KIAA0825: variants seen among roughly 807,000 people sequenced by gnomAD.
KIAA0825 encodes the protein KIAA0825.
In KIAA0825, 119 loss-of-function variants were observed where a neutral mutation model predicts 147.6. That is an observed-to-expected ratio of 0.81 (90% CI 0.69 to 0.94). The LOEUF (loss-of-function observed/expected upper bound fraction) is 0.94, where lower values mean the gene tolerates loss of function less well. Ranked by LOEUF, KIAA0825 falls within the 40% of genes least tolerant of loss-of-function variation. The pLI, the probability that KIAA0825 is intolerant of heterozygous loss-of-function variation, is 0.00. For synonymous variants in KIAA0825, 470 were observed against 518.1 expected (o/e 0.91, Z 1.26); for missense variants, 1,381 against 1,472.7 (o/e 0.94, Z 1.02).
At chr5:94,549,094 T>G (rs930478368) in intron 2 of KIAA0825, among the ~76,000 whole-genome samples, 2 of 152,168 alleles carry the variant, frequency 1.3e-5, no homozygotes, top group Admixed American at 1.3e-4. Flanking sequence ...CTAATAGATA[T>G]TTATAGAATT....
intron 13 of KIAA0825, among the ~76,000 whole-genome samples, chr5:94,451,416 A>G (rs1477170761): frequency 6.6e-6 from 1 of 152,238 alleles, no homozygotes; most frequent in Non-Finnish European, 1.5e-5. Context: ...GAATTGTTAG[A>G]TAAAAGGGCA....
intron 12 of KIAA0825, among the ~76,000 whole-genome samples, chr5:94,458,109 G>A (rs1462010082): frequency 6.6e-6 from 1 of 152,118 alleles, no homozygotes; most frequent in South Asian, 2.1e-4. Context: ...AACTACCTAT[G>A]AATACCAAAT....
chr5:94,293,857 A>G (rs886940428), intron 20 of KIAA0825, among the ~76,000 whole-genome samples: 24 of 152,192 alleles, frequency 1.6e-4, no homozygotes, highest in South Asian at 2.1e-4. Flanking sequence ...TCCTTTTACC[A>G]TTATGTAATG....
intron 20 of KIAA0825, among the ~76,000 whole-genome samples, chr5:94,350,906 G>A (rs1419121304): frequency 6.9e-6 from 1 of 145,528 alleles, no homozygotes; most frequent in East Asian, 2.0e-4. Flanking sequence ...TTTTTTTGGA[G>A]ATGGAGTCTC....
chr5:94,264,444 G>A (rs567894968), intron 20 of KIAA0825, among the ~76,000 whole-genome samples: 221 of 152,196 alleles, frequency 1.5e-3, no homozygotes, highest in Non-Finnish European at 2.4e-3. Context: ...TTTCTGCATC[G>A]AAGTTAACTT....
chr5:94,448,723 A>T (rs1833335), intron 13 of KIAA0825, among the ~76,000 whole-genome samples: 17,315 of 152,134 alleles, frequency 0.11, 1,122 homozygotes, highest in East Asian at 0.21. Context: ...TAAAGTGAAG[A>T]ATAGAGTTTT....
At chr5:94,236,800 T>G (rs949347071) in intron 20 of KIAA0825, among the ~76,000 whole-genome samples, 3 of 152,228 alleles carry the variant, frequency 2.0e-5, no homozygotes, top group African/African-American at 7.2e-5. Flanking sequence ...AATTATTATG[T>G]CTTGCTGAAG....
chr5:94,465,735 A>G (rs978315405), intron 10 of KIAA0825, among the ~76,000 whole-genome samples: 66 of 152,336 alleles, frequency 4.3e-4, no homozygotes, highest in African/African-American at 1.5e-3. Context: ...GACACTTCAT[A>G]CTTTTAAAGA....
intron 3 of KIAA0825, 140 bp downstream of exon 3, chr5:94,536,856 G>A: frequency 1.8e-6 from 1 of 545,858 alleles, no homozygotes; most frequent in Non-Finnish European, 3.2e-6. Flanking sequence ...AGTGAGAGGG[G>A]GGTCTAATCA....
At chr5:94,410,303 G>C (rs922968416) in intron 15 of KIAA0825, among the ~76,000 whole-genome samples, 1 of 151,864 alleles carries the variant, frequency 6.6e-6, no homozygotes, top group Non-Finnish European at 1.5e-5. Context: ...AAAAAAACAA[G>C]GAAGAAGAAT....
At chr5:94,545,987 T>G (rs940057682) in intron 2 of KIAA0825, among the ~76,000 whole-genome samples, 1 of 152,104 alleles carries the variant, frequency 6.6e-6, no homozygotes, top group Non-Finnish European at 1.5e-5. Context: ...TCCACTATCC[T>G]GAAGGGTGAG....
chr5:94,529,227 CATATATATGTATATATACAT>C (rs1561267725), intron 3 of KIAA0825, among the ~76,000 whole-genome samples: 1 of 128,556 alleles, frequency 7.8e-6, no homozygotes, highest in African/African-American at 3.3e-5. Context: ...ATGTATGTAT[CATATATATGTATATATACAT>C]ATATATGTAT....
intron 20 of KIAA0825, among the ~76,000 whole-genome samples, chr5:94,234,607 T>G (rs1020360769): frequency 1.3e-5 from 2 of 152,086 alleles, no homozygotes; most frequent in Non-Finnish European, 2.9e-5. Flanking sequence ...CTCATGGAGC[T>G]GTCAATCATA....
intron 1 of KIAA0825, among the ~76,000 whole-genome samples, chr5:94,601,543 C>T (rs550526270): frequency 1.3e-5 from 2 of 152,248 alleles, no homozygotes; most frequent in East Asian, 3.9e-4. Flanking sequence ...TGGAAAGGGG[C>T]TGAGGCTGAT....
At chr5:94,463,544 A>G (rs1319881064) in intron 11 of KIAA0825, among the ~76,000 whole-genome samples, 7 of 151,492 alleles carry the variant, frequency 4.6e-5, no homozygotes. Flanking sequence ...TGCTAGATAA[A>G]CAATTTCTAA....
At chr5:94,472,290 T>A (rs766273994) in intron 8 of KIAA0825, among the ~76,000 whole-genome samples, 11 of 152,126 alleles carry the variant, frequency 7.2e-5, no homozygotes, top group Non-Finnish European at 1.2e-4. Flanking sequence ...CCCAATTTAT[T>A]ATGTATCTTC....
intron 1 of KIAA0825, among the ~76,000 whole-genome samples, chr5:94,613,875 C>T (rs1246661464): frequency 6.6e-6 from 1 of 152,224 alleles, no homozygotes; most frequent in Non-Finnish European, 1.5e-5. Context: ...CCCTTTCATA[C>T]CTTATGAATT....
intron 5 of KIAA0825, among the ~76,000 whole-genome samples, chr5:94,504,037 C>CA (rs1194613470): frequency 6.6e-6 from 1 of 152,120 alleles, no homozygotes; most frequent in African/African-American, 2.4e-5. Flanking sequence ...GAAAGGGGCT[C>CA]AATTCGATTA....
At chr5:94,601,698 C>T (rs535639708) in intron 1 of KIAA0825, among the ~76,000 whole-genome samples, 3 of 152,238 alleles carry the variant, frequency 2.0e-5, no homozygotes, top group Non-Finnish European at 4.4e-5. Flanking sequence ...GAGGATATAA[C>T]TGACCGGATA....
Sources: gnomAD v4.1 joint callset for allele counts (sites outside exome capture counted in the v4.1 genomes callset) on GRCh38, gnomAD v4.1.1 for gene constraint, MANE v1.5 for transcripts, NCBI Gene and HGNC (gene_info 2026-07-23, HGNC 2026-07-21) for gene names.